Variants in LAMA2 observed in about 807,000 individuals in gnomAD.
LAMA2 encodes the protein laminin subunit alpha-2.
LAMA2 carries 269 observed loss-of-function variants against 364.8 expected under a neutral mutation model. That is an observed-to-expected ratio of 0.74 (90% CI 0.67 to 0.82). The LOEUF (loss-of-function observed/expected upper bound fraction) is 0.82. Among genes scored for constraint, LAMA2 ranks in the 40% least tolerant of loss-of-function variants. LAMA2 has a pLI of 0.00. For missense variants in LAMA2, 3,807 were observed against 3,873.2 expected, an observed-to-expected ratio of 0.98 and a Z score of 0.45; for synonymous variants, 1,379 against 1,370.6, an observed-to-expected ratio of 1.01 and a Z score of -0.14.
chr6:128,890,956 G>A (rs1043387971), intron 1 of LAMA2, among the ~76,000 whole-genome samples: 1 of 152,100 alleles, frequency 6.6e-6, no homozygotes, highest in African/African-American at 2.4e-5. Context: ...TTCATTTGAA[G>A]TTGAACTCAG....
intron 1 of LAMA2, among the ~76,000 whole-genome samples, chr6:129,025,275 G>A (rs1785732482): frequency 1.3e-5 from 2 of 151,944 alleles, no homozygotes; most frequent in Admixed American, 1.3e-4. Flanking sequence ...TTTCTCACTT[G>A]AGTCGTTTAT....
In LAMA2 at chr6:128,898,575, C is replaced by T. The variant is rs577680325; in HGVS notation, c.112+15218C>T. On this transcript the variant is annotated intron_variant, in intron 1 of 64. Transcript: ENST00000421865. Reference sequence around the variant, plus strand: ...TTTGTCCCTATTGCCTTCTAGACCACAGCACTCTTTTTTTGCCTATGCAAC... The same window carrying T: ...TTTGTCCCTATTGCCTTCTAGACCATAGCACTCTTTTTTTGCCTATGCAAC... Among the ~76,000 whole-genome samples the T allele has an allele frequency of 3.3e-5, 5 of 152,352 alleles. No homozygotes were observed. The South Asian group carries it at 6.2e-4, about 19-fold the overall frequency.
intron 19 of LAMA2, among the ~76,000 whole-genome samples, chr6:129,290,753 A>T (rs537896966): frequency 6.6e-6 from 1 of 152,330 alleles, no homozygotes; most frequent in South Asian, 2.1e-4. Flanking sequence ...AAGGTCACTT[A>T]AGCTTTAGAC....
At chr6:129,220,315 T>C (rs1783739952) in intron 12 of LAMA2, among the ~76,000 whole-genome samples, 1 of 152,178 alleles carries the variant, frequency 6.6e-6, no homozygotes. Context: ...AAAAAAACAC[T>C]AGTGCTTACC....
intron 1 of LAMA2, among the ~76,000 whole-genome samples, chr6:129,047,318 C>T (rs1482028059): frequency 6.6e-6 from 1 of 152,156 alleles, no homozygotes; most frequent in Admixed American, 6.5e-5. Flanking sequence ...CATTAGCTTT[C>T]CTTATGTCAC....
chr6:129,333,970 A>G (rs1300875579), intron 29 of LAMA2, among the ~76,000 whole-genome samples: 3 of 152,212 alleles, frequency 2.0e-5, no homozygotes, highest in Admixed American at 1.3e-4. Flanking sequence ...AAAAATAAAT[A>G]CTTCCATTAA....
At chr6:128,957,873 A>G (rs149783033) in intron 1 of LAMA2, among the ~76,000 whole-genome samples, 434 of 23,576 alleles carry the variant, frequency 0.018, no homozygotes, top group Non-Finnish European at 0.03. Flanking sequence ...TATTGTATTT[A>G]GAGTTTTTCC....
chr6:128,968,178 A>G (rs1781967900), intron 1 of LAMA2, among the ~76,000 whole-genome samples: 1 of 152,192 alleles, frequency 6.6e-6, no homozygotes, highest in South Asian at 2.1e-4. Context: ...GTCTTTATAA[A>G]TGACCACAAT....
chr6:129,191,418 A>G (rs565289743), intron 11 of LAMA2, among the ~76,000 whole-genome samples: 36 of 152,330 alleles, frequency 2.4e-4, no homozygotes, highest in Admixed American at 2.0e-3. Context: ...TCAACCACAG[A>G]TGGACATCTA....
chr6:128,913,809 T>C (rs1363571875), intron 1 of LAMA2, among the ~76,000 whole-genome samples: 1 of 152,146 alleles, frequency 6.6e-6, no homozygotes, highest in Non-Finnish European at 1.5e-5. Context: ...TTAAATGAGT[T>C]TATAATTGAG....
At chr6:129,423,569 A>G (rs553497826) in intron 40 of LAMA2, among the ~76,000 whole-genome samples, 2 of 152,144 alleles carry the variant, frequency 1.3e-5, no homozygotes, top group East Asian at 1.9e-4. Context: ...AATGCTATCT[A>G]TTAAAAAAAA....
intron 40 of LAMA2, among the ~76,000 whole-genome samples, chr6:129,419,857 G>T (rs969176163): frequency 6.6e-6 from 1 of 151,900 alleles, no homozygotes. Context: ...CCGTCTCTTT[G>T]GGGTGTTTCT....
At chr6:129,152,222 A>G (rs886545659) in intron 7 of LAMA2, among the ~76,000 whole-genome samples, 4 of 152,180 alleles carry the variant, frequency 2.6e-5, no homozygotes, top group Non-Finnish European at 4.4e-5. Context: ...AAACAATGAC[A>G]TATTATTTTT....
At position 129,412,087 on chromosome 6, in the gene LAMA2, C is replaced by A. The variant is rs548710702; in HGVS notation, c.5865+8128C>A. 2.0e-5 allele frequency among the ~76,000 whole-genome samples: 3 copies of A among 151,996 alleles called. No homozygotes were observed. In the South Asian group the frequency reaches 6.2e-4, roughly 32 times the overall value. ...AAAAAATCTGGAAAAATAAAATTGA[C>A]AATATTCGAGTTCTCCAGAGAAACA... On this transcript the variant is annotated intron_variant, in intron 40 of 64. Coordinates refer to ENST00000421865, the MANE Select transcript of LAMA2 (RefSeq NM_000426.4).
chr6:129,224,548 G>A (rs1054199602), intron 12 of LAMA2, among the ~76,000 whole-genome samples: 10 of 152,028 alleles, frequency 6.6e-5, no homozygotes, highest in African/African-American at 2.2e-4. Flanking sequence ...GAGAGTTTTT[G>A]GCATGAAGGG....
intron 4 of LAMA2, among the ~76,000 whole-genome samples, chr6:129,106,882 A>G (rs1487571624): frequency 6.7e-6 from 1 of 149,216 alleles, no homozygotes; most frequent in African/African-American, 2.5e-5. Flanking sequence ...AAAAATATAT[A>G]TATATATACA....
At chr6:128,986,462 T>C (rs573033595) in intron 1 of LAMA2, among the ~76,000 whole-genome samples, 1 of 152,324 alleles carries the variant, frequency 6.6e-6, no homozygotes, top group African/African-American at 2.4e-5. Flanking sequence ...AAATACATTA[T>C]AGTTTATTCT....
chr6:129,063,270 T>C (rs1414828497), intron 3 of LAMA2, among the ~76,000 whole-genome samples: 3 of 152,124 alleles, frequency 2.0e-5, no homozygotes, highest in Non-Finnish European at 1.5e-5. Context: ...CAGTGACGTG[T>C]ATATAAAAAC....
chr6:129,174,705 T>C (rs1270757732), intron 9 of LAMA2, among the ~76,000 whole-genome samples: 5 of 152,170 alleles, frequency 3.3e-5, no homozygotes, highest in Non-Finnish European at 5.9e-5. Flanking sequence ...AGGAAAGACA[T>C]TGTTTTAAAG....
Sources: gnomAD v4.1 joint callset for allele counts (sites outside exome capture counted in the v4.1 genomes callset) on GRCh38, gnomAD v4.1.1 for gene constraint, MANE v1.5 for transcripts, NCBI Gene and HGNC (gene_info 2026-07-23, HGNC 2026-07-21) for gene names.